Variants in RIPOR2 observed in about 807,000 individuals in gnomAD.
The protein encoded by RIPOR2 is RHO family interacting cell polarization regulator 2.
Under a neutral mutation model 114.5 loss-of-function variants are expected in RIPOR2, and 39 were observed. The observed-to-expected ratio is 0.34, with a 90% CI of 0.26 to 0.44. The LOEUF is 0.44. Among genes scored for constraint, RIPOR2 ranks in the 20% least tolerant of loss-of-function variants. The probability of loss-of-function intolerance (pLI) is 1.00; values close to 1 mark genes in which losing one functional copy is unlikely to be tolerated. For missense variants in RIPOR2, 1,007 were observed against 1,255.1 expected (o/e 0.80, Z 2.99); for synonymous variants, 445 against 484.4 (o/e 0.92, Z 1.07).
At chr6:24,819,753 G>A (rs1046810563) in intron 19 of RIPOR2, among the ~76,000 whole-genome samples, 1 of 148,002 alleles carries the variant, frequency 6.8e-6, no homozygotes, top group Non-Finnish European at 1.5e-5. Flanking sequence ...CGCCCACCTC[G>A]GCCTCCCAAA....
chr6:24,932,550 A>G (rs563287580), intron 1 of RIPOR2, among the ~76,000 whole-genome samples: 1 of 152,280 alleles, frequency 6.6e-6, no homozygotes, highest in African/African-American at 2.4e-5. Context: ...TTAACCACAA[A>G]AAACAATTGC....
intron 1 of RIPOR2, among the ~76,000 whole-genome samples, chr6:24,894,150 A>T (rs1767628381): frequency 6.6e-6 from 1 of 152,226 alleles, no homozygotes; most frequent in East Asian, 1.9e-4. Context: ...TGTATCTCAA[A>T]TATTACTTGG....
At chr6:24,852,492 T>A (rs1437423631) in intron 9 of RIPOR2, 83 bp downstream of exon 9, 19 of 1,102,148 alleles carry the variant, frequency 1.7e-5, no homozygotes, top group African/African-American at 4.8e-5. Context: ...AAAAGACAAC[T>A]TGAAAAGCAA....
At chr6:24,855,199 G>A (rs1331293949) in intron 8 of RIPOR2, among the ~76,000 whole-genome samples, 1 of 151,898 alleles carries the variant, frequency 6.6e-6, no homozygotes, top group Non-Finnish European at 1.5e-5. Flanking sequence ...TCAATAAGTG[G>A]TAATTTTTAT....
At chr6:25,002,448 A>T (rs80011422) in intron 1 of RIPOR2, among the ~76,000 whole-genome samples, 1,862 of 152,350 alleles carry the variant, frequency 0.012, 24 homozygotes, top group Middle Eastern at 0.061. Context: ...TATGTTCAAC[A>T]TGCTTTAGGA....
chr6:24,838,765 G>A (rs1303048523), intron 14 of RIPOR2, among the ~76,000 whole-genome samples: 1 of 152,134 alleles, frequency 6.6e-6, no homozygotes. Flanking sequence ...CTGCACTCCA[G>A]CCTGGGTGAC....
chr6:24,904,337 C>T (rs1768757463), intron 1 of RIPOR2, among the ~76,000 whole-genome samples: 1 of 152,186 alleles, frequency 6.6e-6, no homozygotes, highest in Non-Finnish European at 1.5e-5. Flanking sequence ...GCATTCCTTC[C>T]CTTGTGGGTC....
intron 1 of RIPOR2, among the ~76,000 whole-genome samples, chr6:24,921,844 A>G (rs1288715989): frequency 6.6e-6 from 1 of 151,130 alleles, no homozygotes; most frequent in Non-Finnish European, 1.5e-5. Flanking sequence ...TTTTTTTAAA[A>G]TTTGAGACAG....
intron 1 of RIPOR2, among the ~76,000 whole-genome samples, chr6:24,950,113 G>A (rs1439972461): frequency 6.6e-6 from 1 of 152,126 alleles, no homozygotes; most frequent in African/African-American, 2.4e-5. Context: ...ATAAATGCCC[G>A]GTGCTGCTAT....
chr6:25,020,209 G>A (rs1356673942), intron 1 of RIPOR2, among the ~76,000 whole-genome samples: 1 of 152,116 alleles, frequency 6.6e-6, no homozygotes, highest in East Asian at 1.9e-4. Context: ...AACCAAGTAA[G>A]TCATTTATAA....
chr6:24,830,695 T>C, intron 16 of RIPOR2, 25 bp from the exon 17 acceptor site: 1 of 1,537,222 alleles, frequency 6.5e-7, no homozygotes, highest in South Asian at 1.2e-5. Context: ...CAACCCCCCA[T>C]CTCGTAACAC....
intron 1 of RIPOR2, among the ~76,000 whole-genome samples, chr6:24,907,204 A>G (rs149020975): frequency 2.6e-5 from 4 of 152,248 alleles, no homozygotes; most frequent in South Asian, 2.1e-4. Flanking sequence ...ATGGAACACA[A>G]CATAGAAATA....
chr6:24,822,994 A>G (rs1759833129), intron 19 of RIPOR2, among the ~76,000 whole-genome samples: 1 of 152,210 alleles, frequency 6.6e-6, no homozygotes, highest in African/African-American at 2.4e-5. Context: ...ATCTCCTCTG[A>G]CCAGTCCTGG....
rs557911137 is a variant in RIPOR2 at position 24,987,007 on chromosome 6, C to T, written c.76+54844G>A. ...TGCCGCCTTCAAAACCATCCTGGGC[C>T]GTATTGGCCTGAAGGCTATGGGCTG... On this transcript the variant is annotated intron_variant, in intron 1 of 13. Coordinates refer to the RIPOR2 transcript ENST00000510784. Among the ~76,000 whole-genome samples the T allele has an allele frequency of 6.6e-5, 10 of 152,160 alleles. No individual in the cohort carries two copies. The South Asian group carries it at 1.0e-3, about 16-fold the overall frequency.
intron 1 of RIPOR2, among the ~76,000 whole-genome samples, chr6:25,011,908 G>A (rs1775788220): frequency 6.6e-6 from 1 of 152,124 alleles, no homozygotes; most frequent in African/African-American, 2.4e-5. Context: ...CAAAACTTCT[G>A]TATTTCAAAA....
At position 24,849,699 on chromosome 6, in the gene RIPOR2, T is replaced by C. The variant is rs547011129; in HGVS notation, c.1034+103A>G. 9 of 1,075,078 alleles carry C rather than the reference T, an allele frequency of 8.4e-6. No individual in the cohort carries two copies. In the African/African-American group the frequency reaches 1.4e-4, roughly 17 times the overall value. The allele number at this position is 1,075,078 out of a possible 1,614,324, so 66.6% of individuals were successfully genotyped here. A position where few individuals can be genotyped will look rare whatever the true frequency, so the allele number is the denominator to read the frequency against. On this transcript the variant is annotated intron_variant, in intron 11 of 21. Coordinates refer to ENST00000643898, the MANE Select transcript of RIPOR2 (RefSeq NM_001286445.3). ...GTGGGGCCCGAGATTCTGCTTTTCATAACAAGCTCCCTGGTGATGCGGATG... is the reference window on the plus strand; with the variant it reads ...GTGGGGCCCGAGATTCTGCTTTTCACAACAAGCTCCCTGGTGATGCGGATG...
chr6:24,963,133 G>T (rs1180078006), intron 1 of RIPOR2, among the ~76,000 whole-genome samples: 1 of 152,166 alleles, frequency 6.6e-6, no homozygotes, highest in Non-Finnish European at 1.5e-5. Context: ...CATCTCCTGG[G>T]TTCAAGCGAT....
intron 9 of RIPOR2, among the ~76,000 whole-genome samples, chr6:24,852,273 T>A (rs1388174989): frequency 2.0e-5 from 3 of 151,140 alleles, no homozygotes; most frequent in Non-Finnish European, 3.0e-5. Context: ...AAATAAAAAA[T>A]AAATAAGTAA....
chr6:24,981,232 C>T (rs1581908450), intron 1 of RIPOR2, among the ~76,000 whole-genome samples: 1 of 152,166 alleles, frequency 6.6e-6, no homozygotes, highest in East Asian at 1.9e-4. Flanking sequence ...TCAACCCAAA[C>T]AAATATTTTC....
Sources: allele counts gnomAD v4.1 joint callset (sites outside exome capture counted in the v4.1 genomes callset), GRCh38; gene constraint gnomAD v4.1.1; transcripts MANE v1.5; gene names NCBI Gene and HGNC (gene_info 2026-07-23, HGNC 2026-07-21).